EPB41L4A: variants seen among roughly 807,000 people sequenced by gnomAD.
EPB41L4A encodes band 4.1-like protein 4A.
In EPB41L4A, 100 loss-of-function variants were observed where a neutral mutation model predicts 108.6. The ratio of observed to expected loss-of-function variants is 0.92; its 90% CI spans 0.78 to 1.09. The LOEUF (loss-of-function observed/expected upper bound fraction) is 1.09, where lower values mean the gene tolerates loss of function less well. EPB41L4A is among the 50% of genes least tolerant of loss of function. The probability of loss-of-function intolerance (pLI) is 0.00; values close to 1 mark genes in which losing one functional copy is unlikely to be tolerated. For synonymous variants in EPB41L4A, 319 were observed against 289.0 expected (o/e 1.10, Z -1.05); for missense variants, 1,030 against 842.7 (o/e 1.22, Z -2.75).
chr5:112,385,433 A>T (rs1760447978), intron 1 of EPB41L4A, among the ~76,000 whole-genome samples: 1 of 152,016 alleles, frequency 6.6e-6, no homozygotes, highest in Non-Finnish European at 1.5e-5. Flanking sequence ...AAGGCCAAGA[A>T]AATCACAGAA....
chr5:112,405,048 A>G (rs998426898), intron 1 of EPB41L4A, among the ~76,000 whole-genome samples: 3 of 152,186 alleles, frequency 2.0e-5, no homozygotes, highest in Non-Finnish European at 4.4e-5. Flanking sequence ...ACCCTTGTTT[A>G]GTCCTCTCTC....
intron 22 of EPB41L4A, among the ~76,000 whole-genome samples, chr5:112,167,954 C>G (rs553726922): frequency 1.3e-5 from 2 of 152,318 alleles, no homozygotes; most frequent in African/African-American, 4.8e-5. Flanking sequence ...TCAGTAGATA[C>G]AACTGGCTTT....
rs1204444241 is a variant in EPB41L4A at position 112,199,935 on chromosome 5, C to T, written c.1377-4227G>A. On this transcript the variant is annotated intron_variant, in intron 15 of 22. Coordinates refer to ENST00000261486, the MANE Select transcript of EPB41L4A (RefSeq NM_022140.5). ...CTGCCTGGTCTTCTGCTACTACCCA[C>T]TTTCACCATTTCTCCACAGGACAGT... Among the ~76,000 whole-genome samples, 4 of 152,206 alleles carry T rather than the reference C, an allele frequency of 2.6e-5. No homozygotes were observed. The East Asian group carries it at 5.8e-4, about 22-fold the overall frequency.
intron 12 of EPB41L4A, among the ~76,000 whole-genome samples, chr5:112,215,702 G>C (rs972938826): frequency 7.2e-6 from 1 of 139,618 alleles, no homozygotes; most frequent in Non-Finnish European, 1.5e-5. Flanking sequence ...GGTGGAGCTT[G>C]CAGTGAGCAG....
intron 1 of EPB41L4A, among the ~76,000 whole-genome samples, chr5:112,316,236 G>A (rs11956740): frequency 6.6e-6 from 1 of 152,154 alleles, no homozygotes; most frequent in Non-Finnish European, 1.5e-5. Context: ...CAGCTTCACA[G>A]AATGATAACT....
At chr5:112,336,936 T>C (rs1174815016) in intron 1 of EPB41L4A, among the ~76,000 whole-genome samples, 1 of 152,188 alleles carries the variant, frequency 6.6e-6, no homozygotes, top group African/African-American at 2.4e-5. Flanking sequence ...AGTCTGTTCA[T>C]ATACCTTGCT....
intron 18 of EPB41L4A, among the ~76,000 whole-genome samples, chr5:112,182,169 C>CTGG (rs1485430449): frequency 6.6e-6 from 1 of 152,108 alleles, no homozygotes; most frequent in Non-Finnish European, 1.5e-5. Flanking sequence ...TATATCCTGA[C>CTGG]TGGCAGGATG....
At chr5:112,240,074 G>A (rs1038661261) in intron 10 of EPB41L4A, among the ~76,000 whole-genome samples, 9 of 152,198 alleles carry the variant, frequency 5.9e-5, no homozygotes, top group African/African-American at 2.2e-4. Context: ...CAGGAGGACT[G>A]CATGCAGTTG....
chr5:112,334,696 G>C (rs1460707248), intron 1 of EPB41L4A, among the ~76,000 whole-genome samples: 2 of 152,004 alleles, frequency 1.3e-5, no homozygotes, highest in African/African-American at 4.8e-5. Flanking sequence ...TTATGTCTTT[G>C]CCTGACTTCT....
In EPB41L4A at chr5:112,270,371, C is replaced by T. The variant is rs1354021990; in HGVS notation, c.336-4041G>A. 2.0e-5 allele frequency among the ~76,000 whole-genome samples: 3 copies of T among 152,224 alleles called. No individual in the cohort carries two copies. In the East Asian group the frequency reaches 5.8e-4, roughly 29 times the overall value. On this transcript the variant is annotated intron_variant, in intron 4 of 22. Coordinates refer to ENST00000261486, the MANE Select transcript of EPB41L4A (RefSeq NM_022140.5). ...TAAGGAGTGTGATCGTTACCTTCAT[C>T]CCACAAAGAGCAGGAACACAGCATT...
chr5:112,259,807 T>C, intron 8 of EPB41L4A, 84 bp downstream of exon 8: 1 of 989,078 alleles, frequency 1.0e-6, no homozygotes. Flanking sequence ...ATACCTGTTT[T>C]CTTTTCCCCA....
intron 12 of EPB41L4A, among the ~76,000 whole-genome samples, chr5:112,232,129 A>G (rs908898226): frequency 4.4e-5 from 6 of 137,796 alleles, no homozygotes; most frequent in African/African-American, 1.1e-4. Flanking sequence ...AAAAAAAAAA[A>G]GAGAGAGAGA....
intron 1 of EPB41L4A, among the ~76,000 whole-genome samples, chr5:112,384,593 T>G (rs558349717): frequency 3.9e-5 from 6 of 152,126 alleles, no homozygotes; most frequent in African/African-American, 1.4e-4. Context: ...GCAGAAGGTA[T>G]GTACTACCCG....
rs752001209 is a variant in EPB41L4A, at chr5:112,164,690, C to T, written c.*300G>A. ...CTACTAAAAATACAAAAAGAATTAG[C>T]CGGGTGTTGTGGTGCACGCCTGTAA... On this transcript the variant is annotated 3_prime_UTR_variant, in exon 23 of 23. Coordinates refer to ENST00000261486, the MANE Select transcript of EPB41L4A (RefSeq NM_022140.5). 31 of 180,720 alleles carry T rather than the reference C, an allele frequency of 1.7e-4. No homozygotes were observed. Among genetic ancestry groups the T allele is most frequent in the Non-Finnish European group, 2.3e-5 (2 of 87,284 alleles). 11.2% of individuals were successfully genotyped at this position (180,720 alleles called of 1,614,324 possible).
intron 18 of EPB41L4A, among the ~76,000 whole-genome samples, chr5:112,177,790 GAGAA>G (rs1760945106): frequency 6.6e-6 from 1 of 151,990 alleles, no homozygotes; most frequent in Admixed American, 6.6e-5. Flanking sequence ...TACTTACAGA[GAGAA>G]AGCAATAAAT....
At chr5:112,347,276 T>A (rs1170011532) in intron 1 of EPB41L4A, among the ~76,000 whole-genome samples, 4 of 152,248 alleles carry the variant, frequency 2.6e-5, no homozygotes, top group Non-Finnish European at 4.4e-5. Context: ...AGAAGTTATG[T>A]GCCTGTTTCA....
intron 12 of EPB41L4A, among the ~76,000 whole-genome samples, chr5:112,148,721 AT>A (rs1247004428): frequency 6.6e-6 from 1 of 151,960 alleles, no homozygotes; most frequent in Non-Finnish European, 1.5e-5. Flanking sequence ...TTCTATCGTG[AT>A]TTTTTCCATT....
intron 12 of EPB41L4A, among the ~76,000 whole-genome samples, chr5:112,233,230 A>G (rs1749084558): frequency 6.6e-6 from 1 of 152,220 alleles, no homozygotes; most frequent in African/African-American, 2.4e-5. Context: ...AAAACAGGCA[A>G]AATAAACTAA....
intron 1 of EPB41L4A, among the ~76,000 whole-genome samples, chr5:112,360,818 G>A (rs1758683792): frequency 6.6e-6 from 1 of 151,694 alleles, no homozygotes; most frequent in Non-Finnish European, 1.5e-5. Context: ...CCCATCTTCT[G>A]GGATGTGGGG....
Sources: allele counts gnomAD v4.1 joint callset (sites outside exome capture counted in the v4.1 genomes callset), GRCh38; gene constraint gnomAD v4.1.1; transcripts MANE v1.5; gene names NCBI Gene and HGNC (gene_info 2026-07-23, HGNC 2026-07-21).